Variants in ANKRD13A observed in about 807,000 individuals in gnomAD.
ANKRD13A encodes ankyrin repeat domain-containing protein 13A.
In ANKRD13A, 48 loss-of-function variants were observed where a neutral mutation model predicts 81.3. The observed-to-expected ratio is 0.59, with a 90% CI of 0.47 to 0.75. The LOEUF (loss-of-function observed/expected upper bound fraction) is 0.75, where lower values mean the gene tolerates loss of function less well. ANKRD13A is among the 30% of genes least tolerant of loss of function. The pLI is 0.00. For missense variants in ANKRD13A, 612 were observed against 734.0 expected, an observed-to-expected ratio of 0.83 and a Z score of 1.92; for synonymous variants, 230 against 270.1, an observed-to-expected ratio of 0.85 and a Z score of 1.45.
chr12:110,004,051 G>T (rs530219320), intron 1 of ANKRD13A, among the ~76,000 whole-genome samples: 1 of 152,042 alleles, frequency 6.6e-6, no homozygotes, highest in Non-Finnish European at 1.5e-5. Context: ...CCAGCTACTT[G>T]GGAGGCTGAG....
chr12:110,012,199 A>G, intron 2 of ANKRD13A, 62 bp downstream of exon 2: 2 of 1,516,138 alleles, frequency 1.3e-6, no homozygotes, highest in Non-Finnish European at 1.8e-6. Context: ...CCCTGTCTCT[A>G]CAAAAAAATA....
chr12:110,005,954 T>C (rs1890222181), intron 1 of ANKRD13A, among the ~76,000 whole-genome samples: 2 of 152,044 alleles, frequency 1.3e-5, no homozygotes, highest in South Asian at 4.1e-4. Context: ...GTAGCTGGGA[T>C]TACAGGTGTG....
chr12:110,028,356 C>A, intron 9 of ANKRD13A, 156 bp from the exon 10 acceptor site: 2 of 680,128 alleles, frequency 2.9e-6, no homozygotes, highest in Non-Finnish European at 4.8e-6. Context: ...TTGGTGATAT[C>A]CTCATAGATT....
In ANKRD13A at chr12:110,037,955, G is replaced by A. The variant is rs1456447074; in HGVS notation, c.*401G>A. On this transcript the variant is annotated 3_prime_UTR_variant, in exon 15 of 15. Transcript: ENST00000261739. ...GGTGCTTTTATATATAAGAGCAGCA[G>A]CCGCCTTTGTAAAGTGTGATCTATG... 2 of 159,698 alleles carry A rather than the reference G, an allele frequency of 1.3e-5. No homozygotes were observed. The highest frequency in any genetic ancestry group is 2.8e-5 in the Non-Finnish European group (2 of 72,612). 9.9% of individuals were successfully genotyped at this position (159,698 alleles called of 1,614,324 possible). A position where few individuals can be genotyped will look rare whatever the true frequency, so the allele number is the denominator to read the frequency against.
intron 1 of ANKRD13A, among the ~76,000 whole-genome samples, chr12:110,001,400 C>A (rs1234289600): frequency 6.7e-6 from 1 of 149,166 alleles, no homozygotes; most frequent in East Asian, 2.0e-4. Context: ...TGAGCCCTCA[C>A]CGAAGTCCAA....
intron 4 of ANKRD13A, 113 bp downstream of exon 4, chr12:110,016,546 A>G (rs1890813734): frequency 1.0e-6 from 1 of 1,004,370 alleles, no homozygotes; most frequent in Non-Finnish European, 1.4e-6. Flanking sequence ...TCAAGGAAAT[A>G]CATAGTGAAG....
intron 1 of ANKRD13A, among the ~76,000 whole-genome samples, chr12:110,001,032 C>G (rs1271704981): frequency 6.6e-6 from 1 of 151,940 alleles, no homozygotes; most frequent in East Asian, 1.9e-4. Context: ...GCTGGGATTA[C>G]AGGTGTGAGC....
chr12:110,007,538 G>A (rs574869337), intron 1 of ANKRD13A, among the ~76,000 whole-genome samples: 3 of 151,846 alleles, frequency 2.0e-5, no homozygotes, highest in Non-Finnish European at 4.4e-5. Flanking sequence ...GTGCCACCAC[G>A]CCCGGCTAAT....
intron 1 of ANKRD13A, among the ~76,000 whole-genome samples, chr12:110,009,848 G>GT (rs1890424847): frequency 6.6e-6 from 1 of 152,124 alleles, no homozygotes; most frequent in Non-Finnish European, 1.5e-5. Flanking sequence ...GAGTTTGAGT[G>GT]TTTTTTGTTT....
intron 6 of ANKRD13A, among the ~76,000 whole-genome samples, chr12:110,019,878 C>T (rs1890988666): frequency 1.3e-5 from 2 of 152,318 alleles, no homozygotes; most frequent in South Asian, 4.1e-4. Context: ...AAAGAATTCT[C>T]CAGAGAGGTC....
chr12:110,006,366 C>A (rs1385713328), intron 1 of ANKRD13A, among the ~76,000 whole-genome samples: 1 of 152,078 alleles, frequency 6.6e-6, no homozygotes, highest in Non-Finnish European at 1.5e-5. Flanking sequence ...TGTGAAGTGG[C>A]ATCTCATTGT....
At chr12:110,025,908 G>C in intron 8 of ANKRD13A, 85 bp downstream of exon 8, 1 of 1,184,244 alleles carries the variant, frequency 8.4e-7, no homozygotes, top group Admixed American at 2.1e-5. Flanking sequence ...GTTAAGTTTA[G>C]GGTTAATGTG....
rs191001980 is a variant in ANKRD13A at position 110,002,668 on chromosome 12, G to T, written c.96+2884G>T. On this transcript the variant is annotated intron_variant, in intron 1 of 14. Coordinates refer to ENST00000261739, the MANE Select transcript of ANKRD13A (RefSeq NM_033121.2). ...TTATCACCCCAGCAATAAAGTGGCT[G>T]TTTCCCTTAATGTTTTGTTTGCTGG... is the stretch of plus-strand genomic sequence containing the variant. 2.0e-5 allele frequency among the ~76,000 whole-genome samples: 3 copies of T among 152,286 alleles called. No individual in the cohort carries two copies. The East Asian group carries it at 5.8e-4, about 29-fold the overall frequency.
At chr12:110,004,028 G>A (rs1282407536) in intron 1 of ANKRD13A, among the ~76,000 whole-genome samples, 1 of 152,010 alleles carries the variant, frequency 6.6e-6, no homozygotes, top group Admixed American at 6.6e-5. Context: ...CATGGTGGCG[G>A]GTGCTTGTAA....
At chr12:110,004,306 T>C (rs1238557580) in intron 1 of ANKRD13A, among the ~76,000 whole-genome samples, 1 of 151,990 alleles carries the variant, frequency 6.6e-6, no homozygotes, top group Non-Finnish European at 1.5e-5. Flanking sequence ...AAGGAAAACC[T>C]AAATGATCAG....
intron 1 of ANKRD13A, among the ~76,000 whole-genome samples, chr12:110,002,419 C>A (rs1392830569): frequency 6.6e-6 from 1 of 152,098 alleles, no homozygotes; most frequent in Non-Finnish European, 1.5e-5. Context: ...GAGTTGGAGA[C>A]CAGCCTGACC....
chr12:110,011,970 A>G, intron 1 of ANKRD13A, 35 bp from the exon 2 acceptor site: 1 of 1,568,714 alleles, frequency 6.4e-7, no homozygotes, highest in Non-Finnish European at 8.7e-7. Context: ...AATGTAATAC[A>G]TCCAATTATG....
intron 11 of ANKRD13A, 134 bp downstream of exon 11, chr12:110,029,769 T>C: frequency 1.0e-6 from 1 of 966,552 alleles, no homozygotes. Context: ...ACAGAGGAGG[T>C]CAGAGTTCTC....
At chr12:110,016,611 G>A (rs933709322) in intron 4 of ANKRD13A, among the ~76,000 whole-genome samples, 178 bp downstream of exon 4, 1 of 152,002 alleles carries the variant, frequency 6.6e-6, no homozygotes, top group African/African-American at 2.4e-5. Context: ...TTAATGCTTT[G>A]GGTGTTTTTC....
Sources: allele counts gnomAD v4.1 joint callset (sites outside exome capture counted in the v4.1 genomes callset), GRCh38; gene constraint gnomAD v4.1.1; transcripts MANE v1.5; gene names NCBI Gene and HGNC (gene_info 2026-07-23, HGNC 2026-07-21).